FSTL1: variants seen among roughly 807,000 people sequenced by gnomAD.
FSTL1 encodes the protein follistatin-related protein 1.
A neutral mutation model predicts 45.9 loss-of-function variants in FSTL1; 24 were observed. That is an observed-to-expected ratio of 0.52 (90% CI 0.38 to 0.74). The LOEUF is 0.74. Among genes scored for constraint, FSTL1 ranks in the 30% least tolerant of loss-of-function variants. The pLI, the probability that FSTL1 is intolerant of heterozygous loss-of-function variation, is 0.00. For missense variants in FSTL1, 340 were observed against 381.8 expected (o/e 0.89, Z 0.91); for synonymous variants, 120 against 137.6 (o/e 0.87, Z 0.89).
chr3:120,430,806 G>A (rs1434430183), intron 2 of FSTL1, among the ~76,000 whole-genome samples: 2 of 152,212 alleles, frequency 1.3e-5, no homozygotes, highest in Non-Finnish European at 2.9e-5. Flanking sequence ...TAGCTTAGGT[G>A]AGAAGCTAGG....
At chr3:120,438,929 T>G (rs1464257958) in intron 2 of FSTL1, among the ~76,000 whole-genome samples, 2 of 152,222 alleles carry the variant, frequency 1.3e-5, no homozygotes, top group African/African-American at 4.8e-5. Flanking sequence ...ATAAATTCAC[T>G]CACCTGTTTC....
chr3:120,450,850 CG>C (rs1222028527), intron 1 of FSTL1, 46 bp downstream of exon 1: 1 of 773,670 alleles, frequency 1.3e-6, no homozygotes, highest in Non-Finnish European at 1.9e-6. Context: ...CAAGCACCCC[CG>C]GCCGCCCGAA....
chr3:120,422,724 T>A (rs1937302158), intron 2 of FSTL1, among the ~76,000 whole-genome samples: 2 of 151,912 alleles, frequency 1.3e-5, no homozygotes, highest in Admixed American at 1.3e-4. Context: ...AGATGGAGTC[T>A]CGCTCTGGTG....
chr3:120,410,261 G>A (rs1937026250), intron 5 of FSTL1: 1 of 170,512 alleles, frequency 5.9e-6, no homozygotes. Context: ...TTGAGTGGAT[G>A]GGGAAGCAGA....
At position 120,403,649 on chromosome 3, in the gene FSTL1, C is replaced by T. The variant is rs370456432; in HGVS notation, c.582-295G>A. On this transcript the variant is annotated intron_variant, in intron 7 of 10. Transcript: ENST00000295633. ...ATGGTTTTGTCTAATGTTTTCACTG[C>T]CTGCATACCTTCCACTAGCAATTGC... Among the ~76,000 whole-genome samples, 5 of 152,224 alleles carry T rather than the reference C, an allele frequency of 3.3e-5. No homozygotes were observed. In the East Asian group the frequency reaches 7.7e-4, roughly 23 times the overall value.
At chr3:120,421,467 A>AGAGCAGGGG (rs1937278127) in intron 2 of FSTL1, 2 of 152,444 alleles carry the variant, frequency 1.3e-5, no homozygotes, top group Non-Finnish European at 1.5e-5. Flanking sequence ...AGAACTGGGG[A>AGAGCAGGGG]GAGCAGGGGG....
intron 2 of FSTL1, among the ~76,000 whole-genome samples, chr3:120,432,547 C>G (rs1024530743): frequency 6.6e-6 from 1 of 151,902 alleles, no homozygotes; most frequent in Admixed American, 6.6e-5. Context: ...CTGTTTTTCC[C>G]CAAGGACTGC....
At chr3:120,416,133 T>C in intron 2 of FSTL1, 106 bp from the exon 3 acceptor site, 1 of 861,360 alleles carries the variant, frequency 1.2e-6, no homozygotes, top group South Asian at 1.4e-5. Flanking sequence ...TCTGGAGTCA[T>C]GGCTCATGGT....
Position 120,410,960 on chromosome 3 carries a change from G to A in FSTL1, c.323C>T (p.Ala108Val), listed in dbSNP as rs556832694. The A allele has an allele frequency of 6.2e-7, 1 of 1,610,754 alleles. No individual in the cohort carries two copies. ...AAAAAATAGGCACTCACCTGGGCTG[G>A]CAGATGGACTTACGGATTTCTTCTC... ...CKEKKSVSPS[A>V]SPVVCYQSNR... is the part of the protein sequence containing the mutation. Residue 108 changes from alanine to valine, a missense_variant, in exon 5 of 11, where the codon GCC becomes GTC. Physicochemically the swap from Ala to Val is moderately conservative, Grantham distance 64 (BLOSUM62 0). Transcript: ENST00000295633.
rs577807826 is a variant in FSTL1, at chr3:120,442,882, C to A, written c.63+7802G>T. ...AAATGGGAAGAGAAAAACAGCAGAC[C>A]CCCAGAACGGTCACAAGGTAAGATA... On this transcript the variant is annotated intron_variant, in intron 2 of 10. Coordinates refer to ENST00000295633, the MANE Select transcript of FSTL1 (RefSeq NM_007085.5). 8.0e-5 allele frequency among the ~76,000 whole-genome samples: 11 copies of A among 136,730 alleles called. 1 individual carries two copies. The highest frequency in any genetic ancestry group is 3.3e-4 in the African/African-American group (11 of 33,134). 89.7% of individuals were successfully genotyped at this position (136,730 alleles called of 152,430 possible).
chr3:120,402,672 C>G (rs1490438942), intron 9 of FSTL1, 136 bp downstream of exon 9: 19 of 644,972 alleles, frequency 2.9e-5, no homozygotes, highest in Non-Finnish European at 4.8e-5. Context: ...TCCAACCTTA[C>G]AGGTGTGGGT....
chr3:120,447,996 GA>G (rs778427613), intron 2 of FSTL1, among the ~76,000 whole-genome samples: 3 of 152,190 alleles, frequency 2.0e-5, no homozygotes, highest in African/African-American at 4.8e-5. Flanking sequence ...AACCAAATGG[GA>G]TTGACATAGA....
chr3:120,450,652 A>C (rs768310054), intron 2 of FSTL1, 32 bp downstream of exon 2: 8 of 1,443,544 alleles, frequency 5.5e-6, no homozygotes, highest in African/African-American at 3.0e-5. Flanking sequence ...GGCCCCGGGG[A>C]CCGAGTTCGG....
intron 2 of FSTL1, among the ~76,000 whole-genome samples, chr3:120,420,858 G>T (rs895854484): frequency 6.6e-6 from 1 of 152,216 alleles, no homozygotes; most frequent in Non-Finnish European, 1.5e-5. Context: ...TAGGTCTCCA[G>T]ACTTTAATCC....
At chr3:120,445,192 A>C (rs920920850) in intron 2 of FSTL1, among the ~76,000 whole-genome samples, 1 of 150,008 alleles carries the variant, frequency 6.7e-6, no homozygotes, top group African/African-American at 2.5e-5. Context: ...ATTAATGTCA[A>C]TTAAGGCTGT....
At chr3:120,442,487 A>T (rs1184171016) in intron 2 of FSTL1, among the ~76,000 whole-genome samples, 1 of 152,234 alleles carries the variant, frequency 6.6e-6, no homozygotes, top group Admixed American at 6.5e-5. Context: ...TCTATGAAAA[A>T]GACAGAGTTA....
At chr3:120,415,064 T>C (rs1937162664) in intron 3 of FSTL1, among the ~76,000 whole-genome samples, 5 of 151,760 alleles carry the variant, frequency 3.3e-5, no homozygotes, top group Admixed American at 3.3e-4. Context: ...AACGTTCTTT[T>C]AATTTCTAAA....
rs548140170 is a variant in FSTL1, at chr3:120,396,891, C to T, written c.*61G>A. 6 of 1,193,434 alleles carry T rather than the reference C, an allele frequency of 5.0e-6. No homozygotes were observed. The highest frequency in any genetic ancestry group is 1.2e-5 in the South Asian group (1 of 82,432). The allele number at this position is 1,193,434 out of a possible 1,614,324, so 73.9% of individuals were successfully genotyped here. A position where few individuals can be genotyped will look rare whatever the true frequency, so the allele number is the denominator to read the frequency against. On this transcript the variant is annotated 3_prime_UTR_variant, in exon 11 of 11. Coordinates refer to ENST00000295633, the MANE Select transcript of FSTL1 (RefSeq NM_007085.5). ...CGACTGTAGCAGACACTTGTGTATA[C>T]TGAACTCAGCGCTGAAGTGGAGAAG...
intron 9 of FSTL1, among the ~76,000 whole-genome samples, chr3:120,401,441 C>G (rs1147698): frequency 0.42 from 64,215 of 151,936 alleles, 14,257 homozygotes; most frequent in Non-Finnish European, 0.49. Context: ...TATACTGTTG[C>G]TGTTCTCTAG....
Sources: allele counts gnomAD v4.1 joint callset (sites outside exome capture counted in the v4.1 genomes callset), GRCh38; gene constraint gnomAD v4.1.1; transcripts MANE v1.5; gene names NCBI Gene and HGNC (gene_info 2026-07-23, HGNC 2026-07-21).